ATP7A: variants seen among roughly 807,000 people sequenced by gnomAD.
The protein encoded by ATP7A is ATPase copper transporting alpha.
A neutral mutation model predicts 83.5 loss-of-function variants in ATP7A; 7 were observed. The ratio of observed to expected loss-of-function variants is 0.08; its 90% CI spans 0.05 to 0.16. The LOEUF is 0.16. Among genes scored for constraint, ATP7A ranks in the 10% least tolerant of loss-of-function variants. ATP7A has a pLI of 1.00. For missense variants in ATP7A, 940 were observed against 1,120.8 expected (o/e 0.84, Z 2.30); for synonymous variants, 354 against 395.2 (o/e 0.90, Z 1.24).
intron 1 of ATP7A, among the ~76,000 whole-genome samples, chrX:77,930,236 C>T (rs1158942952): frequency 9.0e-6 from 1 of 111,357 alleles, no homozygotes; most frequent in Non-Finnish European, 1.9e-5. Context: ...GATTGGACCT[C>T]TTAGTTTTTC....
In ATP7A at chrX:78,046,453, C is replaced by T. The variant is rs1236496821; in HGVS notation, c.4386C>T (p.Ala1462=). ...ACCGGATTGTTAATTATAGCAGAGC[C>T]TCTATAAACTCACTACTGTCTGATA... is the stretch of plus-strand genomic sequence containing the variant. ...LLDRIVNYSR[A]SINSLLSDKR... Residue 1462 remains alanine, a synonymous_variant, in exon 23 of 23, where the codon GCC becomes GCT. Transcript: ENST00000341514. The T allele has an allele frequency of 2.5e-6, 3 of 1,209,134 alleles. No individual in the cohort carries two copies. The highest frequency in any genetic ancestry group is 1.8e-5 in the South Asian group (1 of 56,752).
intron 1 of ATP7A, among the ~76,000 whole-genome samples, chrX:77,928,802 A>G (rs2077257087): frequency 8.9e-6 from 1 of 112,093 alleles, no homozygotes; most frequent in Non-Finnish European, 1.9e-5. Flanking sequence ...ACACATTCAA[A>G]AAGTATATAT....
At chrX:77,951,582 CTT>C (rs1281059642) in intron 1 of ATP7A, among the ~76,000 whole-genome samples, 9 of 99,419 alleles carry the variant, frequency 9.1e-5, no homozygotes, top group Admixed American at 1.1e-4. Flanking sequence ...AGCACAAGAC[CTT>C]TTTTTTTTTT....
chrX:78,035,175 A>G (rs782375470), intron 17 of ATP7A, among the ~76,000 whole-genome samples: 2 of 111,694 alleles, frequency 1.8e-5, no homozygotes, highest in East Asian at 2.8e-4. Context: ...ATTCATGCTC[A>G]TCACTTAGTC....
In ATP7A at chrX:78,011,226, C is replaced by T. The variant is rs2149094980; in HGVS notation, c.1920C>T (p.His640=). The change falls in exon 8 of 23, where the codon CAC becomes CAT. Residue 640 remains histidine (H), a synonymous_variant. Transcript: ENST00000341514. ...TCAAGAAGGATCGGTCAGCAAGTCA[C>T]TTAGATCATAAACGAGAAATAAGAC... ...SLVKKDRSAS[H]LDHKREIRQW... is the part of the protein sequence containing the mutation. The T allele has an allele frequency of 2.5e-6, 3 of 1,210,176 alleles. No individual in the cohort carries two copies. The highest frequency in any genetic ancestry group is 3.4e-6 in the Non-Finnish European group (3 of 894,399).
chrX:77,955,495 C>A (rs1007603858), intron 1 of ATP7A, among the ~76,000 whole-genome samples: 1 of 111,325 alleles, frequency 9.0e-6, no homozygotes, highest in Non-Finnish European at 1.9e-5. Context: ...ACTTCTAGTT[C>A]ATTTGTTTTT....
intron 1 of ATP7A, chrX:77,962,757 A>G (rs374262953): frequency 2.3e-5 from 9 of 387,400 alleles, no homozygotes; most frequent in Non-Finnish European, 4.6e-5. Context: ...TTCGTCAACC[A>G]AACTTCTTGA....
chrX:77,992,068 CT>C (rs782066539), intron 4 of ATP7A, among the ~76,000 whole-genome samples: 143 of 99,491 alleles, frequency 1.4e-3, no homozygotes, highest in East Asian at 1.3e-3. Context: ...AAATTAGATT[CT>C]TTTTTTTTTT....
intron 1 of ATP7A, among the ~76,000 whole-genome samples, chrX:77,955,233 T>C (rs1351507464): frequency 1.8e-5 from 2 of 112,002 alleles, no homozygotes; most frequent in Non-Finnish European, 3.8e-5. Flanking sequence ...CATTGTTTTA[T>C]GTTTTTAAAC....
At position 77,988,477 on chromosome X, in the gene ATP7A, A is replaced by G; in HGVS notation, c.356A>G (p.Tyr119Cys). ...AAGGGTGTGACAGACATTAAAATTT[A>G]CCCTCAGAAAAGAACTGTAGCAGTG... Reference protein sequence around the residue: ...KTKGVTDIKIYPQKRTVAVTI... With the variant: ...KTKGVTDIKICPQKRTVAVTI... Residue 119 changes from tyrosine (Y) to cysteine (C), a missense_variant, in exon 3 of 23, where the codon TAC (tyrosine) becomes TGC (cysteine). Coordinates refer to ENST00000341514, the MANE Select transcript of ATP7A (RefSeq NM_000052.7). The G allele has an allele frequency of 8.3e-7, 1 of 1,211,640 alleles. No homozygotes were observed. The highest frequency in any genetic ancestry group is 3.0e-5 in the East Asian group (1 of 33,848).
At chrX:77,946,729 T>TAAA (rs782042145) in intron 1 of ATP7A, among the ~76,000 whole-genome samples, 7 of 55,056 alleles carry the variant, frequency 1.3e-4, no homozygotes, top group Non-Finnish European at 1.4e-4. Context: ...TGGCTATTAC[T>TAAA]AAAAAAAAAA....
chrX:77,995,461 G>A (rs1193117913), intron 4 of ATP7A, among the ~76,000 whole-genome samples: 4 of 105,816 alleles, frequency 3.8e-5, no homozygotes, highest in East Asian at 3.0e-4. Flanking sequence ...CCAGCTACTC[G>A]GAAGGCTGAG....
rs1259250037 is a variant in ATP7A, at chrX:77,926,858, A to G, written c.-22+16023A>G. On this transcript the variant is annotated intron_variant, in intron 1 of 22. Coordinates refer to ENST00000341514, the MANE Select transcript of ATP7A (RefSeq NM_000052.7). The stretch of plus-strand genomic sequence containing the variant: ...GCTGGGATTACAGGTGCACACCACC[A>G]TACCCAGCTAATTTTTGTGTTTTCA... Among the ~76,000 whole-genome samples the G allele has an allele frequency of 2.7e-5, 3 of 109,799 alleles. No homozygotes were observed. The East Asian group carries it at 8.6e-4, about 32-fold the overall frequency.
intron 4 of ATP7A, among the ~76,000 whole-genome samples, chrX:77,996,582 G>A (rs1228351318): frequency 1.8e-5 from 2 of 111,557 alleles, no homozygotes; most frequent in African/African-American, 3.3e-5. Context: ...CACTCACAGA[G>A]CTAAAGGATA....
At chrX:78,044,640 G>T (rs1319259739) in intron 21 of ATP7A, among the ~76,000 whole-genome samples, 1 of 111,510 alleles carries the variant, frequency 9.0e-6, no homozygotes, top group South Asian at 3.7e-4. Flanking sequence ...TAGTCAGCTG[G>T]TATTTTTTTT....
At chrX:77,969,503 G>C in intron 1 of ATP7A, 1 of 1,210,626 alleles carries the variant, frequency 8.3e-7, no homozygotes, top group Non-Finnish European at 1.1e-6. Flanking sequence ...CCAGCATCTC[G>C]TAGCGCCTGC....
intron 1 of ATP7A, among the ~76,000 whole-genome samples, chrX:77,926,773 G>C (rs1557223621): frequency 9.2e-6 from 1 of 109,197 alleles, no homozygotes; most frequent in Non-Finnish European, 1.9e-5. Context: ...CGCAATCTCA[G>C]CTCACTGCAA....
At chrX:78,011,296 T>C (rs1557234435) in intron 8 of ATP7A, 44 bp downstream of exon 8, 1 of 1,154,283 alleles carries the variant, frequency 8.7e-7, no homozygotes, top group African/African-American at 1.8e-5. Flanking sequence ...TTTGACTCCT[T>C]ATTACAAATT....
At chrX:77,960,983 A>G (rs183249471) in intron 1 of ATP7A, among the ~76,000 whole-genome samples, 81 of 112,067 alleles carry the variant, frequency 7.2e-4, no homozygotes, top group South Asian at 7.3e-4. Flanking sequence ...CGATGGACAT[A>G]ACATATATAA....
Sources: allele counts gnomAD v4.1 joint callset (sites outside exome capture counted in the v4.1 genomes callset), GRCh38; gene constraint gnomAD v4.1.1; transcripts MANE v1.5; gene names NCBI Gene and HGNC (gene_info 2026-07-23, HGNC 2026-07-21).